The following PRNP variants were observed in gnomAD, a reference collection of about 807,000 sequenced individuals.
The protein encoded by PRNP is major prion protein.
In PRNP, 15 loss-of-function variants were observed where a neutral mutation model predicts 21.3. The ratio of observed to expected loss-of-function variants is 0.71; its 90% CI spans 0.47 to 1.09. The LOEUF (loss-of-function observed/expected upper bound fraction) is 1.09. Among genes scored for constraint, PRNP ranks in the 50% least tolerant of loss-of-function variants. The pLI is 0.00. For synonymous variants in PRNP, 121 were observed against 123.1 expected (o/e 0.98, Z 0.11); for missense variants, 285 against 340.9 (o/e 0.84, Z 1.29).
intron 1 of PRNP, among the ~76,000 whole-genome samples, chr20:4,696,544 A>G (rs1300091428): frequency 2.0e-5 from 3 of 152,192 alleles, no homozygotes; most frequent in African/African-American, 7.2e-5. Flanking sequence ...TATGTGCATG[A>G]TCACACTAAT....
At chr20:4,696,672 G>A (rs1366372869) in intron 1 of PRNP, among the ~76,000 whole-genome samples, 1 of 152,188 alleles carries the variant, frequency 6.6e-6, no homozygotes, top group Non-Finnish European at 1.5e-5. Flanking sequence ...TTGTATTTCT[G>A]AGTGTATTCT....
chr20:4,690,308 G>C (rs1340902106), intron 1 of PRNP, among the ~76,000 whole-genome samples: 1 of 152,168 alleles, frequency 6.6e-6, no homozygotes, highest in African/African-American at 2.4e-5. Flanking sequence ...TAAGCTTCAA[G>C]TTGTAATGTG....
chr20:4,694,279 T>C (rs1427376476), intron 1 of PRNP, among the ~76,000 whole-genome samples: 4 of 151,808 alleles, frequency 2.6e-5, no homozygotes, highest in Non-Finnish European at 5.9e-5. Flanking sequence ...GACAGGAAGA[T>C]CTCTTGAGCC....
At chr20:4,695,471 G>A (rs1922110536) in intron 1 of PRNP, among the ~76,000 whole-genome samples, 1 of 152,142 alleles carries the variant, frequency 6.6e-6, no homozygotes, top group Non-Finnish European at 1.5e-5. Context: ...GTATTCGATA[G>A]CATATATGTA....
At chr20:4,698,873 G>A (rs11087653) in intron 1 of PRNP, among the ~76,000 whole-genome samples, 2,405 of 152,238 alleles carry the variant, frequency 0.016, 66 homozygotes, top group African/African-American at 0.056. Context: ...TTCTCCAAAG[G>A]GTCATAAATT....
intron 1 of PRNP, among the ~76,000 whole-genome samples, chr20:4,688,133 G>A (rs1921595602): frequency 6.6e-6 from 1 of 152,128 alleles, no homozygotes; most frequent in African/African-American, 2.4e-5. Flanking sequence ...ATAGATAAAT[G>A]GCAAAATGAT....
intron 1 of PRNP, among the ~76,000 whole-genome samples, chr20:4,689,747 T>C (rs1921702602): frequency 6.6e-6 from 1 of 152,228 alleles, no homozygotes; most frequent in Non-Finnish European, 1.5e-5. Flanking sequence ...CCTAAGTGAA[T>C]AGTGTGTGCA....
intron 1 of PRNP, among the ~76,000 whole-genome samples, chr20:4,693,656 T>G (rs1265159974): frequency 1.3e-5 from 2 of 152,156 alleles, no homozygotes; most frequent in Non-Finnish European, 2.9e-5. Context: ...TCCTTTTTGG[T>G]CCTTAAGCCC....
intron 1 of PRNP, among the ~76,000 whole-genome samples, chr20:4,690,786 C>G (rs1228563863): frequency 2.0e-5 from 3 of 152,152 alleles, no homozygotes; most frequent in Non-Finnish European, 4.4e-5. Flanking sequence ...CGCACTAGTT[C>G]TATTCAACAT....
At position 4,700,295 on chromosome 20, in the gene PRNP, AATCTC is replaced by A. The variant is rs1391494729; in HGVS notation, c.*315_*319del. On this transcript the variant is annotated 3_prime_UTR_variant, in exon 2 of 2. Transcript: ENST00000379440. This position sits in a 1 kb window ranked among gnomAD's most constrained non-coding sequence, Gnocchi z 4.1. ...AGTGCAACAGGTTGAGGCTAAAACAAATCTCAGAACAGTCTGAAATACCTTTGCCT... is the reference window on the plus strand; with the variant it reads ...AGTGCAACAGGTTGAGGCTAAAACAAAGAACAGTCTGAAATACCTTTGCCT... 3 of 666,158 alleles carry A rather than the reference AATCTC, an allele frequency of 4.5e-6. No homozygotes were observed. In the African/African-American group the frequency reaches 5.4e-5, roughly 12 times the overall value. 41.3% of individuals were successfully genotyped at this position (666,158 alleles called of 1,614,324 possible).
chr20:4,699,407 G>A lies in PRNP; in HGVS notation c.187G>A (p.Gly63Ser), dbSNP rs1159538855. The A allele has an allele frequency of 1.9e-6, 3 of 1,612,906 alleles. No individual in the cohort carries two copies. Among genetic ancestry groups the A allele is most frequent in the East Asian group, 4.5e-5 (2 of 44,838 alleles). ...TGGTGGCTGGGGGCAGCCTCATGGT[G>A]GTGGCTGGGGGCAGCCTCATGGTGG... ...GGGGWGQPHG[G>S]GWGQPHGGGW... The change falls in exon 2 of 2, where the codon GGT becomes AGT. Residue 63 changes from glycine to serine, a missense_variant. Transcript: ENST00000379440. The surrounding 1 kb of genome is among the most constrained non-coding windows in gnomAD (Gnocchi z 5.8).
chr20:4,689,859 T>C (rs946156382), intron 1 of PRNP, among the ~76,000 whole-genome samples: 4 of 152,214 alleles, frequency 2.6e-5, no homozygotes, highest in Non-Finnish European at 5.9e-5. Flanking sequence ...TGTGATCACT[T>C]TAAGGGAGGT....
intron 1 of PRNP, among the ~76,000 whole-genome samples, chr20:4,692,525 T>A (rs1004361832): frequency 9.2e-5 from 14 of 152,206 alleles, no homozygotes; most frequent in African/African-American, 3.4e-4. Flanking sequence ...CTCTTAAAAT[T>A]ATGATATCTT....
rs560605432 is a variant in PRNP, at chr20:4,697,299, G to A, written c.-10-1912G>A. Among the ~76,000 whole-genome samples, 7 of 152,258 alleles carry A rather than the reference G, an allele frequency of 4.6e-5. No homozygotes were observed. The South Asian group carries it at 1.2e-3, about 27-fold the overall frequency. On this transcript the variant is annotated intron_variant, in intron 1 of 1. Coordinates refer to ENST00000379440, the MANE Select transcript of PRNP (RefSeq NM_000311.5). The surrounding 1 kb of genome is among the most constrained non-coding windows in gnomAD (Gnocchi z 4.6). ...TTTATTTTGCATGTCTATGGGTCAA[G>A]CGCTCTGTCTAGGAACACTGCTGTG...
chr20:4,699,169 A>G lies in PRNP; in HGVS notation c.-10-42A>G, dbSNP rs1013107124. On this transcript the variant is annotated intron_variant, in intron 1 of 1. Coordinates refer to ENST00000379440, the MANE Select transcript of PRNP (RefSeq NM_000311.5). The surrounding 1 kb of genome is among the most constrained non-coding windows in gnomAD (Gnocchi z 5.8). ...ATGCAGGAAACATTTAGTAATTTCA[A>G]CATAAATATGGGACTCTGACGTTCT... 1.9e-6 allele frequency: 3 copies of G among 1,606,092 alleles called. No homozygotes were observed. The highest frequency in any genetic ancestry group is 1.7e-5 in the Admixed American group (1 of 60,022).
intron 1 of PRNP, among the ~76,000 whole-genome samples, chr20:4,698,760 C>T (rs1260229929): frequency 1.3e-5 from 2 of 152,102 alleles, no homozygotes; most frequent in Non-Finnish European, 2.9e-5. Context: ...TACTGTTTAG[C>T]AATCATTTTA....
In PRNP at chr20:4,699,952, C is replaced by T. The variant is rs764251824; in HGVS notation, c.732C>T (p.Ile244=). The change falls in exon 2 of 2, where the codon ATC becomes ATT. Residue 244 remains isoleucine (I), a synonymous_variant. Transcript: ENST00000379440. The surrounding 1 kb of genome is among the most constrained non-coding windows in gnomAD (Gnocchi z 5.8). ...CCTCTCCACCTGTGATCCTCCTGAT[C>T]TCTTTCCTCATCTTCCTGATAGTGG... ...LFSSPPVILL[I]SFLIFLIVG is the part of the protein sequence containing the mutation. The T allele has an allele frequency of 6.2e-7, 1 of 1,613,390 alleles. No homozygotes were observed. Among genetic ancestry groups the T allele is most frequent in the South Asian group, 1.1e-5 (1 of 90,884 alleles).
chr20:4,693,942 C>CAAA (rs34756298), intron 1 of PRNP, among the ~76,000 whole-genome samples: 30,409 of 123,880 alleles, frequency 0.25, 3,469 homozygotes, highest in Admixed American at 0.31. Context: ...ATTAAAAATA[C>CAAA]AAAAAAAAAA....
Position 4,700,255 on chromosome 20 carries a change from C to A in PRNP, c.*273C>A. On this transcript the variant is annotated 3_prime_UTR_variant, in exon 2 of 2. Coordinates refer to ENST00000379440, the MANE Select transcript of PRNP (RefSeq NM_000311.5). This position sits in a 1 kb window ranked among gnomAD's most constrained non-coding sequence, Gnocchi z 4.1. Reference sequence around the variant, plus strand: ...GCAAATAACCATTGGTTAATCTGGACTTATTTTTGGACTTAGTGCAACAGG... The same window carrying A: ...GCAAATAACCATTGGTTAATCTGGAATTATTTTTGGACTTAGTGCAACAGG... The A allele has an allele frequency of 1.9e-6, 2 of 1,073,154 alleles. No homozygotes were observed. The highest frequency in any genetic ancestry group is 2.7e-6 in the Non-Finnish European group (2 of 738,414). The allele number at this position is 1,073,154 out of a possible 1,614,324, so 66.5% of individuals were successfully genotyped here.
Sources: allele counts gnomAD v4.1 joint callset (sites outside exome capture counted in the v4.1 genomes callset), GRCh38; gene constraint gnomAD v4.1.1; non-coding constraint Gnocchi (gnomAD v3.1); transcripts MANE v1.5; gene names NCBI Gene and HGNC (gene_info 2026-07-23, HGNC 2026-07-21).